ZMYND8: variants seen among roughly 807,000 people sequenced by gnomAD.
The protein encoded by ZMYND8 is MYND-type zinc finger-containing chromatin reader ZMYND8.
A neutral mutation model predicts 140.8 loss-of-function variants in ZMYND8; 37 were observed. The ratio of observed to expected loss-of-function variants is 0.26; its 90% CI spans 0.20 to 0.35. The LOEUF (loss-of-function observed/expected upper bound fraction) is 0.35. Among genes scored for constraint, ZMYND8 ranks in the 10% least tolerant of loss-of-function variants. The pLI is 1.00. For missense variants in ZMYND8, 1,068 were observed against 1,570.0 expected, an observed-to-expected ratio of 0.68 and a Z score of 5.40; for synonymous variants, 592 against 597.1, an observed-to-expected ratio of 0.99 and a Z score of 0.12.
Position 47,249,354 on chromosome 20 carries a change from C to G in ZMYND8, c.1707G>C (p.Lys569Asn). 1 of 1,614,170 alleles carries G rather than the reference C, an allele frequency of 6.2e-7. No individual in the cohort carries two copies. The highest frequency in any genetic ancestry group is 8.5e-7 in the Non-Finnish European group (1 of 1,180,040). ...GCTGGAACCTGCTACGAATCTGGCGCTTGGGAGAGATGAGAGGAACAGGGG... is the reference window on the plus strand; with the variant it reads ...GCTGGAACCTGCTACGAATCTGGCGGTTGGGAGAGATGAGAGGAACAGGGG... ...QSTPVPLISP[K>N]RQIRSRFQLN... Residue 569 changes from lysine (K) to asparagine (N), a missense_variant, in exon 13 of 23, where the codon AAG becomes AAC. Coordinates refer to ENST00000471951, the MANE Select transcript of ZMYND8 (RefSeq NM_001281775.3).
At chr20:47,335,025 C>T (rs6018412) in intron 2 of ZMYND8, among the ~76,000 whole-genome samples, 58 of 152,110 alleles carry the variant, frequency 3.8e-4, no homozygotes, top group Middle Eastern at 3.4e-3. Context: ...ACAGGAGGAT[C>T]GCTTGAGCCC....
chr20:47,336,682 G>A (rs1476804780), intron 2 of ZMYND8, among the ~76,000 whole-genome samples: 1 of 152,222 alleles, frequency 6.6e-6, no homozygotes, highest in Non-Finnish European at 1.5e-5. Flanking sequence ...ACAGCCCTCG[G>A]CTTCTTCTGA....
chr20:47,223,148 G>C (rs1006613866), intron 19 of ZMYND8, among the ~76,000 whole-genome samples: 2 of 152,184 alleles, frequency 1.3e-5, no homozygotes, highest in Non-Finnish European at 2.9e-5. Context: ...CTTTAAAATG[G>C]AAGTGTTTAA....
intron 16 of ZMYND8, among the ~76,000 whole-genome samples, chr20:47,231,339 G>A (rs1262149630): frequency 1.3e-5 from 2 of 152,110 alleles, no homozygotes; most frequent in Non-Finnish European, 1.5e-5. Flanking sequence ...GGGAGAAGGC[G>A]GGACAAAGAG....
intron 15 of ZMYND8, chr20:47,237,507 GATATGAAGACAGAAGACAGGAAGCCGCA>G (rs1056160618): frequency 2.0e-5 from 3 of 152,082 alleles, no homozygotes; most frequent in African/African-American, 7.2e-5. Flanking sequence ...CTGCTTATGA[GATATGAAGACAGAAGACAGGAAGCCGCA>G]ATCCCAATCT....
intron 2 of ZMYND8, chr20:47,319,267 C>G (rs1406571979): frequency 2.9e-6 from 1 of 350,450 alleles, no homozygotes; most frequent in Non-Finnish European, 5.7e-6. Flanking sequence ...CTCGGCTGAG[C>G]TGAAAGTCTC....
intron 17 of ZMYND8, among the ~76,000 whole-genome samples, chr20:47,228,929 A>T (rs2147050205): frequency 6.6e-6 from 1 of 152,292 alleles, no homozygotes; most frequent in South Asian, 2.1e-4. Context: ...ATAGGGAATT[A>T]GCCTAAAGGG....
chr20:47,285,437 A>G (rs1326536646), intron 8 of ZMYND8, among the ~76,000 whole-genome samples: 1 of 152,254 alleles, frequency 6.6e-6, no homozygotes, highest in Non-Finnish European at 1.5e-5. Context: ...CCAAAGGAAC[A>G]TATCCAAAAC....
intron 3 of ZMYND8, among the ~76,000 whole-genome samples, chr20:47,305,174 G>T (rs1339233773): frequency 1.3e-5 from 2 of 151,936 alleles, no homozygotes; most frequent in African/African-American, 4.8e-5. Context: ...AGCCCAGGAG[G>T]TCAAGGCTGT....
At chr20:47,309,556 C>T (rs1022790295) in intron 3 of ZMYND8, among the ~76,000 whole-genome samples, 1 of 152,094 alleles carries the variant, frequency 6.6e-6, no homozygotes, top group Non-Finnish European at 1.5e-5. Context: ...ATCGACCTGC[C>T]TCGGCCTCCC....
chr20:47,341,449 C>T (rs1055187447), intron 2 of ZMYND8, among the ~76,000 whole-genome samples: 6 of 151,470 alleles, frequency 4.0e-5, no homozygotes, highest in African/African-American at 1.2e-4. Context: ...ATTGCTTGAA[C>T]CTGGGAGGCA....
intron 2 of ZMYND8, among the ~76,000 whole-genome samples, chr20:47,330,004 G>T (rs2080797561): frequency 6.6e-6 from 1 of 152,136 alleles, no homozygotes; most frequent in South Asian, 2.1e-4. Context: ...GCAATTTAAG[G>T]TACTTTGAAG....
chr20:47,354,045 A>G (rs1321138023), intron 1 of ZMYND8: 1 of 152,170 alleles, frequency 6.6e-6, no homozygotes, highest in African/African-American at 2.4e-5. Flanking sequence ...GTCCCTACCT[A>G]GTCCTGCTGC....
chr20:47,269,598 C>A (rs2075784332), intron 11 of ZMYND8, among the ~76,000 whole-genome samples: 1 of 152,214 alleles, frequency 6.6e-6, no homozygotes, highest in South Asian at 2.1e-4. Flanking sequence ...GGCTGAAACA[C>A]ATCATTTATT....
At chr20:47,329,507 C>T (rs533502101) in intron 2 of ZMYND8, among the ~76,000 whole-genome samples, 3 of 152,072 alleles carry the variant, frequency 2.0e-5, no homozygotes, top group Non-Finnish European at 2.9e-5. Context: ...CGAGTTCAAG[C>T]GATTCTCCAG....
intron 12 of ZMYND8, among the ~76,000 whole-genome samples, chr20:47,250,629 T>C (rs1435304788): frequency 6.6e-6 from 1 of 152,252 alleles, no homozygotes; most frequent in Non-Finnish European, 1.5e-5. Context: ...GTCTGAGAGC[T>C]GGGCTGGAAG....
intron 4 of ZMYND8, 44 bp from the exon 5 acceptor site, chr20:47,294,823 A>C: frequency 6.4e-7 from 1 of 1,559,292 alleles, no homozygotes; most frequent in Non-Finnish European, 8.8e-7. Context: ...TAGAAAAAAG[A>C]AATTACCATC....
At chr20:47,283,527 C>T in intron 9 of ZMYND8, 44 bp downstream of exon 9, 1 of 1,606,046 alleles carries the variant, frequency 6.2e-7, no homozygotes, top group Non-Finnish European at 8.5e-7. Flanking sequence ...TCATCCAAGG[C>T]ACAGGGTTCA....
At chr20:47,275,565 G>A (rs933604617) in intron 11 of ZMYND8, among the ~76,000 whole-genome samples, 5 of 150,986 alleles carry the variant, frequency 3.3e-5, no homozygotes, top group African/African-American at 1.2e-4. Flanking sequence ...ACACTGGGAA[G>A]ACAGAGTACT....
Sources: allele counts gnomAD v4.1 joint callset (sites outside exome capture counted in the v4.1 genomes callset), GRCh38; gene constraint gnomAD v4.1.1; transcripts MANE v1.5; gene names NCBI Gene and HGNC (gene_info 2026-07-23, HGNC 2026-07-21).